The following ADAMTSL3 variants were observed in gnomAD, a reference collection of about 807,000 sequenced individuals.
The protein encoded by ADAMTSL3 is ADAMTS-like protein 3.
In ADAMTSL3, 128 loss-of-function variants were observed where a neutral mutation model predicts 201.7. The ratio of observed to expected loss-of-function variants is 0.63; its 90% CI spans 0.55 to 0.73. ADAMTSL3 has a LOEUF of 0.73. Among genes scored for constraint, ADAMTSL3 ranks in the 30% least tolerant of loss-of-function variants. The probability of loss-of-function intolerance (pLI) is 0.00; values close to 1 mark genes in which losing one functional copy is unlikely to be tolerated. For synonymous variants in ADAMTSL3, 738 were observed against 748.4 expected, an observed-to-expected ratio of 0.99 and a Z score of 0.23; for missense variants, 1,990 against 2,119.6, an observed-to-expected ratio of 0.94 and a Z score of 1.20.
chr15:83,912,298 A>G (rs1186981902), intron 15 of ADAMTSL3, among the ~76,000 whole-genome samples: 1 of 152,248 alleles, frequency 6.6e-6, no homozygotes, highest in Non-Finnish European at 1.5e-5. Context: ...GTTATATTCC[A>G]GTAAAACTTT....
intron 4 of ADAMTSL3, among the ~76,000 whole-genome samples, chr15:83,775,144 C>T (rs1025214676): frequency 6.6e-6 from 1 of 152,160 alleles, no homozygotes; most frequent in Non-Finnish European, 1.5e-5. Flanking sequence ...CCATGCCCAG[C>T]CAGGGGGCTT....
intron 23 of ADAMTSL3, among the ~76,000 whole-genome samples, chr15:83,994,896 C>T (rs1276486558): frequency 2.0e-5 from 3 of 151,720 alleles, no homozygotes; most frequent in African/African-American, 7.3e-5. Context: ...AGGCATGAGC[C>T]ACGGCATCCG....
chr15:83,833,860 A>G (rs2064208571), intron 6 of ADAMTSL3, among the ~76,000 whole-genome samples: 1 of 152,206 alleles, frequency 6.6e-6, no homozygotes, highest in South Asian at 2.1e-4. Flanking sequence ...GGGAGCAACT[A>G]TGTATAAACA....
rs1181063590 is a variant in ADAMTSL3, at chr15:83,897,157, T to C, written c.1468-701T>C. 4.6e-5 allele frequency among the ~76,000 whole-genome samples: 7 copies of C among 152,314 alleles called. No homozygotes were observed. In the East Asian group the frequency reaches 1.3e-3, roughly 29 times the overall value. ...TTTGAAAAGCTATTCTAGATTTTTA[T>C]ATGACATGAAAACATTCCACTCATA... On this transcript the variant is annotated intron_variant, in intron 13 of 29. Transcript: ENST00000286744.
chr15:84,004,148 C>T (rs180901015), intron 23 of ADAMTSL3, among the ~76,000 whole-genome samples: 24 of 152,184 alleles, frequency 1.6e-4, no homozygotes, highest in Non-Finnish European at 3.1e-4. Flanking sequence ...ATTTATTTCC[C>T]CTAGTTATTA....
intron 2 of ADAMTSL3, among the ~76,000 whole-genome samples, chr15:83,679,251 A>G (rs570586687): frequency 6.6e-6 from 1 of 152,252 alleles, no homozygotes; most frequent in South Asian, 2.1e-4. Flanking sequence ...AAGAGTGCTC[A>G]TAATTGCTCA....
chr15:83,934,176 G>C (rs1029839934), intron 17 of ADAMTSL3, among the ~76,000 whole-genome samples: 2 of 151,704 alleles, frequency 1.3e-5, no homozygotes, highest in African/African-American at 4.8e-5. Flanking sequence ...GCAGCTGGGA[G>C]GGGGGGCTGT....
In ADAMTSL3 at chr15:83,868,145, T is replaced by C. The variant is rs527683613; in HGVS notation, c.803-2657T>C. Among the ~76,000 whole-genome samples, 22 of 152,216 alleles carry C rather than the reference T, an allele frequency of 1.4e-4. No homozygotes were observed. In the South Asian group the frequency reaches 2.1e-3, roughly 14 times the overall value. On this transcript the variant is annotated intron_variant, in intron 8 of 29. Transcript: ENST00000286744. ...AATTCTGGTGGGGATGCTTATAGGC[T>C]TCCTGGGGTCGCCTACACACTAACC...
intron 28 of ADAMTSL3, among the ~76,000 whole-genome samples, chr15:84,031,711 G>A (rs969819537): frequency 3.9e-5 from 6 of 152,114 alleles, no homozygotes; most frequent in African/African-American, 1.2e-4. Flanking sequence ...AGAAAACGGA[G>A]ATACTTCTCC....
chr15:83,889,567 A>G (rs2065463787), intron 10 of ADAMTSL3, among the ~76,000 whole-genome samples: 1 of 152,220 alleles, frequency 6.6e-6, no homozygotes, highest in Admixed American at 6.5e-5. Flanking sequence ...AGGACGTATC[A>G]ACAACAAATC....
At chr15:83,838,318 A>G in intron 7 of ADAMTSL3, 103 bp downstream of exon 7, 1 of 1,415,738 alleles carries the variant, frequency 7.1e-7, no homozygotes, top group South Asian at 1.4e-5. Context: ...TTTAGTTGGA[A>G]GTAGCTTTTG....
chr15:83,659,124 C>T (rs189011957), intron 2 of ADAMTSL3, among the ~76,000 whole-genome samples: 9 of 152,314 alleles, frequency 5.9e-5, no homozygotes, highest in Admixed American at 2.0e-4. Flanking sequence ...TCTCCCATTT[C>T]CTGTGACTCT....
chr15:83,881,144 G>A (rs2065263102), intron 9 of ADAMTSL3, among the ~76,000 whole-genome samples: 1 of 152,104 alleles, frequency 6.6e-6, no homozygotes, highest in Non-Finnish European at 1.5e-5. Flanking sequence ...TCTTATTTTT[G>A]CTTCTAGAAG....
At chr15:83,858,483 C>T (rs2064787228) in intron 7 of ADAMTSL3, among the ~76,000 whole-genome samples, 1 of 152,158 alleles carries the variant, frequency 6.6e-6, no homozygotes, top group African/African-American at 2.4e-5. Context: ...AGCAATTCTC[C>T]TGCCTCAGCC....
intron 23 of ADAMTSL3, among the ~76,000 whole-genome samples, chr15:84,013,635 G>A (rs1031193603): frequency 1.2e-4 from 18 of 152,214 alleles, no homozygotes; most frequent in African/African-American, 4.3e-4. Flanking sequence ...TTAGCTGGGT[G>A]TGATGGCTTG....
At chr15:83,696,036 G>A (rs7162845) in intron 2 of ADAMTSL3, among the ~76,000 whole-genome samples, 10,741 of 152,190 alleles carry the variant, frequency 0.071, 439 homozygotes, top group East Asian at 0.14. Flanking sequence ...ATCCAGGCCA[G>A]GGGGAATAGC....
intron 7 of ADAMTSL3, among the ~76,000 whole-genome samples, chr15:83,857,858 C>T (rs112648401): frequency 3.0e-4 from 46 of 152,104 alleles, no homozygotes; most frequent in Non-Finnish European, 6.2e-4. Flanking sequence ...TGAAGTAATT[C>T]GTATCATTGA....
intron 6 of ADAMTSL3, among the ~76,000 whole-genome samples, chr15:83,823,943 C>T (rs1234743432): frequency 1.9e-5 from 2 of 104,374 alleles, no homozygotes; most frequent in African/African-American, 6.6e-5. Flanking sequence ...TCTTCTTCTT[C>T]TTCTTCTTCT....
chr15:83,939,162 T>C lies in ADAMTSL3; in HGVS notation c.2118-3434T>C, dbSNP rs185628539. Among the ~76,000 whole-genome samples the C allele has an allele frequency of 3.2e-3, 495 of 152,340 alleles. 2 individuals are homozygous for C. Among genetic ancestry groups the C allele is most frequent in the African/African-American group, 0.011 (463 of 41,582 alleles). On this transcript the variant is annotated intron_variant, in intron 17 of 29. Transcript: ENST00000286744. ...GTCACCATGTAACATTATTTTTCAC[T>C]TTATCACTTGATTGCTAATATTTTA...
Sources: gnomAD v4.1 joint callset for allele counts (sites outside exome capture counted in the v4.1 genomes callset) on GRCh38, gnomAD v4.1.1 for gene constraint, MANE v1.5 for transcripts, NCBI Gene and HGNC (gene_info 2026-07-23, HGNC 2026-07-21) for gene names.